RANBP2: variants seen among roughly 807,000 people sequenced by gnomAD.
RANBP2 encodes E3 SUMO-protein ligase RanBP2.
A neutral mutation model predicts 303.6 loss-of-function variants in RANBP2; 57 were observed. The observed-to-expected ratio is 0.19, with a 90% CI of 0.15 to 0.23. The LOEUF (loss-of-function observed/expected upper bound fraction) is 0.23, where lower values mean the gene tolerates loss of function less well. Ranked by LOEUF, RANBP2 falls within the 10% of genes least tolerant of loss-of-function variation. The pLI, the probability that RANBP2 is intolerant of heterozygous loss-of-function variation, is 1.00. For synonymous variants in RANBP2, 1,167 were observed against 1,301.5 expected, an observed-to-expected ratio of 0.90 and a Z score of 2.23; for missense variants, 3,138 against 3,780.8, an observed-to-expected ratio of 0.83 and a Z score of 4.46.
chr2:109,652,886 T>C, the RANBP2 span, among the ~76,000 whole-genome samples: 1 of 152,176 alleles, frequency 6.6e-6, no homozygotes, highest in Admixed American at 6.6e-5. Flanking sequence ...AGTGTCTTAG[T>C]GTTTCCCTTT....
chr2:109,136,646 G>A, the RANBP2 span, among the ~76,000 whole-genome samples: 1 of 152,226 alleles, frequency 6.6e-6, no homozygotes, highest in Admixed American at 6.5e-5. Flanking sequence ...GGCCCAAGAA[G>A]AGTCACTGCG....
the RANBP2 span, among the ~76,000 whole-genome samples, chr2:109,687,872 T>G: frequency 6.6e-6 from 1 of 151,832 alleles, no homozygotes; most frequent in Non-Finnish European, 1.5e-5. Flanking sequence ...GGCTCCTGAG[T>G]AGCTGGGACT....
intron 9 of RANBP2, among the ~76,000 whole-genome samples, chr2:108,749,555 C>G (rs1474923395): frequency 6.6e-6 from 1 of 151,954 alleles, no homozygotes; most frequent in East Asian, 2.0e-4. Context: ...GCCTTGGCCT[C>G]CCAAAGTGCT....
chr2:108,910,694 G>T, the RANBP2 span: 1 of 1,520,702 alleles, frequency 6.6e-7, no homozygotes, highest in Non-Finnish European at 9.1e-7. Flanking sequence ...AGCAGAAGCA[G>T]CGAGGAGGCT....
the RANBP2 span, among the ~76,000 whole-genome samples, chr2:109,190,083 T>C: frequency 3.9e-5 from 6 of 152,376 alleles, no homozygotes; most frequent in East Asian, 1.2e-3. Flanking sequence ...CTTTAAACTT[T>C]TCCCGTGATC....
chr2:109,520,919 G>C, the RANBP2 span, among the ~76,000 whole-genome samples: 12 of 142,532 alleles, frequency 8.4e-5, 1 homozygote, highest in Middle Eastern at 3.8e-3. Flanking sequence ...CTAGGTGACA[G>C]AGCAAGACTC....
the RANBP2 span, among the ~76,000 whole-genome samples, chr2:109,246,816 A>G: frequency 1.3e-5 from 2 of 152,286 alleles, no homozygotes; most frequent in African/African-American, 4.8e-5. Flanking sequence ...CGGATGCCCT[A>G]GCTCATCCAC....
chr2:109,560,629 A>G, the RANBP2 span, among the ~76,000 whole-genome samples: 1 of 152,168 alleles, frequency 6.6e-6, no homozygotes, highest in Non-Finnish European at 1.5e-5. Flanking sequence ...CTTACTTGTA[A>G]TTGTCACTTT....
At chr2:108,816,253 C>A in the RANBP2 span, 1 of 565,648 alleles carries the variant, frequency 1.8e-6, no homozygotes, top group Non-Finnish European at 3.0e-6. Flanking sequence ...GAGTTTAAGA[C>A]CAGCCTGGGC....
At chr2:109,353,586 G>T in the RANBP2 span, among the ~76,000 whole-genome samples, 3 of 152,252 alleles carry the variant, frequency 2.0e-5, no homozygotes, top group Admixed American at 1.3e-4. Flanking sequence ...TGTGTCACCT[G>T]GCCAGGGCTG....
chr2:109,512,744 C>T, the RANBP2 span, among the ~76,000 whole-genome samples: 1 of 152,170 alleles, frequency 6.6e-6, no homozygotes, highest in African/African-American at 2.4e-5. Flanking sequence ...TTCCCCCTCC[C>T]AGGTGCTCCT....
the RANBP2 span, among the ~76,000 whole-genome samples, chr2:109,586,215 CA>C: frequency 6.6e-6 from 1 of 151,992 alleles, no homozygotes; most frequent in Non-Finnish European, 1.5e-5. Flanking sequence ...AAAAAAAGCA[CA>C]AAACAAAAGT....
chr2:109,662,768 C>T, the RANBP2 span, among the ~76,000 whole-genome samples: 3 of 152,172 alleles, frequency 2.0e-5, no homozygotes, highest in Non-Finnish European at 2.9e-5. Context: ...ATAAACCTAA[C>T]TCCTCATTGG....
the RANBP2 span, among the ~76,000 whole-genome samples, chr2:109,169,598 G>A: frequency 8.1e-3 from 1,236 of 152,250 alleles, 12 homozygotes; most frequent in East Asian, 0.04. Flanking sequence ...CAAACTGACC[G>A]AGCTTAGCAA....
the RANBP2 span, among the ~76,000 whole-genome samples, chr2:109,053,930 C>A: frequency 6.6e-6 from 1 of 152,146 alleles, no homozygotes; most frequent in Non-Finnish European, 1.5e-5. Context: ...CAGAGGGCAC[C>A]AGGGGCATTG....
the RANBP2 span, among the ~76,000 whole-genome samples, chr2:109,294,762 C>T: frequency 2.0e-5 from 3 of 152,086 alleles, no homozygotes; most frequent in East Asian, 1.9e-4. Flanking sequence ...GGGGCAGTCA[C>T]GACCCGAGTG....
Position 108,765,716 on chromosome 2 carries a change from G to T in RANBP2, c.5177G>T (p.Gly1726Val). ...GFEGMFTKKE[G>V]QWDCSVCLVR... is the part of the protein sequence containing the mutation. The stretch of plus-strand genomic sequence containing the variant: ...GAGGGAATGTTCACTAAGAAGGAAG[G>T]ACAGTGGGATTGCAGTGTGTGCTTA... The change falls in exon 20 of 29, where the codon GGA becomes GTA. Residue 1726 changes from glycine (G) to valine (V), a missense_variant. By Grantham distance (109) the Gly-to-Val change is moderately radical. Transcript: ENST00000283195. 2 of 1,613,768 alleles carry T rather than the reference G, an allele frequency of 1.2e-6. No homozygotes were observed. Among genetic ancestry groups the T allele is most frequent in the Non-Finnish European group, 8.5e-7 (1 of 1,179,956 alleles).
chr2:109,328,691 T>C, the RANBP2 span, among the ~76,000 whole-genome samples: 2 of 152,170 alleles, frequency 1.3e-5, no homozygotes, highest in Admixed American at 6.5e-5. Flanking sequence ...CCATTCACCA[T>C]TGTATGCTCC....
At chr2:109,239,192 C>T in the RANBP2 span, among the ~76,000 whole-genome samples, 1 of 152,090 alleles carries the variant, frequency 6.6e-6, no homozygotes, top group African/African-American at 2.4e-5. Flanking sequence ...GGTGTGAGCC[C>T]TGCACAGTGC....
Sources: allele counts gnomAD v4.1 joint callset (sites outside exome capture counted in the v4.1 genomes callset), GRCh38; gene constraint gnomAD v4.1.1; transcripts MANE v1.5; gene names NCBI Gene and HGNC (gene_info 2026-07-23, HGNC 2026-07-21).